CYP17A1: variants seen among roughly 807,000 people sequenced by gnomAD.
CYP17A1 encodes the protein steroid 17-alpha-hydroxylase/17,20 lyase.
In CYP17A1, 27 loss-of-function variants were observed where a neutral mutation model predicts 38.5. The ratio of observed to expected loss-of-function variants is 0.70; its 90% confidence interval spans 0.52 to 0.97. CYP17A1 has a LOEUF of 0.97. CYP17A1 is among the 50% of genes least tolerant of loss of function. The pLI is 0.00. For synonymous variants in CYP17A1, 263 were observed against 253.3 expected (o/e 1.04, Z -0.36); for missense variants, 549 against 645.9 (o/e 0.85, Z 1.63).
chr10:102,833,490 T>C, intron 4 of CYP17A1: 1 of 427,880 alleles, frequency 2.3e-6, no homozygotes, highest in Non-Finnish European at 4.3e-6. Flanking sequence ...AGAATCTTGG[T>C]GCAATGCCCA....
chr10:102,830,890 G>C lies in CYP17A1; in HGVS notation c.1339C>G (p.Leu447Val). The C allele has an allele frequency of 1.3e-6, 2 of 1,582,410 alleles. No homozygotes were observed. Among genetic ancestry groups the C allele is most frequent in the Non-Finnish European group, 1.7e-6 (2 of 1,160,848 alleles). The stretch of plus-strand genomic sequence containing the variant: ...ATGAGGAAGAGCTCCTGGCGGGCCA[G>C]GATCTCACCTATACAGGAGCGAGGT... ...AGPRSCIGEILARQELFLIMA... is the reference protein window; with the variant it reads ...AGPRSCIGEIVARQELFLIMA... The change falls in exon 8 of 8, where the codon CTG (leucine) becomes GTG (valine). Residue 447 changes from leucine to valine, a missense_variant. Coordinates refer to ENST00000369887, the MANE Select transcript of CYP17A1 (RefSeq NM_000102.4). This position sits in a 1 kb window ranked among gnomAD's most constrained non-coding sequence, Gnocchi z 4.1.
Position 102,834,110 on chromosome 10 carries a change from T to C in CYP17A1, c.679A>G (p.Lys227Glu). The C allele has an allele frequency of 7.8e-7, 1 of 1,275,126 alleles. No individual in the cohort carries two copies. The highest frequency in any genetic ancestry group is 1.1e-6 in the Non-Finnish European group (1 of 870,178). 79.0% of individuals were successfully genotyped at this position (1,275,126 alleles called of 1,614,324 possible). A position where few individuals can be genotyped will look rare whatever the true frequency, so the allele number is the denominator to read the frequency against. ...TGGCTCTTTAATTTTTCCAGGGTTT[T>C]GTTGGGGAAAATCTGGGAAATAAAA... ...LVPWLKIFPN[K>E]TLEKLKSHVK... The change falls in exon 4 of 8, where the codon AAA (lysine) becomes GAA (glutamate). Residue 227 changes from lysine to glutamate, a missense_variant. Physicochemically the swap from Lys to Glu is moderately conservative, Grantham distance 56. Around this residue, in one of 3 missense-constraint regions of CYP17A1, gnomAD observed 289 missense variants for 320.9 expected, o/e 0.90. Transcript: ENST00000369887.
Position 102,830,768 on chromosome 10 carries a change from G to A in CYP17A1, c.1461C>T (p.Asp487=), listed in dbSNP as rs1161449493. Residue 487 remains aspartate (D), a synonymous_variant, in exon 8 of 8, where the codon GAC becomes GAT. Transcript: ENST00000369887. This position sits in a 1 kb window ranked among gnomAD's most constrained non-coding sequence, Gnocchi z 4.1. ...GCACCTTGATCTTCACTTTGAAAGA[G>A]TCGATCAGAAAGACCACCTTGGGGA... ...EGIPKVVFLI[D]SFKVKIKVRQ... is the part of the protein sequence containing the mutation. 1 of 1,602,790 alleles carries A rather than the reference G, an allele frequency of 6.2e-7. No homozygotes were observed. The highest frequency in any genetic ancestry group is 8.5e-7 in the Non-Finnish European group (1 of 1,171,396).
chr10:102,835,461 T>C (rs1844151432), intron 1 of CYP17A1, 69 bp from the exon 2 acceptor site: 1 of 1,324,912 alleles, frequency 7.5e-7, no homozygotes, highest in Non-Finnish European at 1.1e-6. Flanking sequence ...ACACCTCTGG[T>C]CCCTGCTTTC....
intron 7 of CYP17A1, among the ~76,000 whole-genome samples, 174 bp from the exon 8 acceptor site, chr10:102,831,159 C>T (rs1260711597): frequency 1.3e-5 from 2 of 149,206 alleles, no homozygotes; most frequent in African/African-American, 4.9e-5. Flanking sequence ...TTTCAGGTAG[C>T]CCTTAACGAC....
In CYP17A1 at chr10:102,830,963, C is replaced by T; in HGVS notation, c.1266G>A (p.Gly422=). The part of the protein sequence containing the change: ...FMPERFLNPA[G]TQLISPSVSY... ...TTACTGACGGTGAGATGAGCTGGGT[C>T]CCCGCTGGATTCAAGAAACGCTCTG... The change falls in exon 8 of 8, where the codon GGG becomes GGA. Residue 422 remains glycine, a synonymous_variant. Transcript: ENST00000369887. The surrounding 1 kb of genome is among the most constrained non-coding windows in gnomAD (Gnocchi z 4.1). 6.3e-7 allele frequency: 1 copy of T among 1,577,628 alleles called. No homozygotes were observed. Among genetic ancestry groups the T allele is most frequent in the Non-Finnish European group, 8.6e-7 (1 of 1,159,658 alleles).
At chr10:102,833,796 T>C (rs564641692) in intron 4 of CYP17A1, 9 of 456,236 alleles carry the variant, frequency 2.0e-5, no homozygotes, top group Non-Finnish European at 3.6e-5. Flanking sequence ...TTCACCATAT[T>C]GGCCAGGCTC....
In CYP17A1 at chr10:102,833,092, G is replaced by A; in HGVS notation, c.870C>T (p.Asn290=). Residue 290 remains asparagine, a synonymous_variant, in exon 5 of 8, where the codon AAC becomes AAT. Coordinates refer to ENST00000369887, the MANE Select transcript of CYP17A1 (RefSeq NM_000102.4). ...PDQDSELLSD[N]HILTTIGDIF... ...TGTCCCCTATGGTGGTGAGAATGTGGTTATCTGAAAGCAGCTCTGAGTCTT... is the reference window on the plus strand; with the variant it reads ...TGTCCCCTATGGTGGTGAGAATGTGATTATCTGAAAGCAGCTCTGAGTCTT... 1.9e-6 allele frequency: 3 copies of A among 1,614,184 alleles called. No homozygotes were observed. Among genetic ancestry groups the A allele is most frequent in the Non-Finnish European group, 2.5e-6 (3 of 1,180,036 alleles).
Position 102,831,636 on chromosome 10 carries a change from G to T in CYP17A1, c.1140-25C>A, listed in dbSNP as rs17115100. ...GCTGCTCCAGAGTGGAAGAGGAAAA[G>T]TGGGTCTGGGACTTCGTACTCCCTT... On this transcript the variant is annotated intron_variant, in intron 6 of 7. Transcript: ENST00000369887. 0.11 allele frequency: 173,331 copies of T among 1,611,846 alleles called. 12,326 individuals are homozygous for T. The highest frequency in any genetic ancestry group is 0.33 in the East Asian group (15,012 of 44,830).
In CYP17A1 at chr10:102,835,289, A is replaced by C; in HGVS notation, c.401T>G (p.Leu134Arg). The change falls in exon 2 of 8, where the codon CTG (leucine) becomes CGG (arginine). Residue 134 changes from leucine (L) to arginine (R), a missense_variant. This residue lies in a region of CYP17A1 where 289 missense variants were observed against 320.9 expected (regional missense o/e 0.90). Coordinates refer to ENST00000369887, the MANE Select transcript of CYP17A1 (RefSeq NM_000102.4). The stretch of plus-strand genomic sequence containing the variant: ...CAGCTTCTGATCGCCATCCTTGAAC[A>C]GGGCAAAGGTGGCCATCGCCAGCCT... ...HRRLAMATFA[L>R]FKDGDQKLEK... 1 of 1,613,032 alleles carries C rather than the reference A, an allele frequency of 6.2e-7. No individual in the cohort carries two copies. The highest frequency in any genetic ancestry group is 1.1e-5 in the South Asian group (1 of 91,058).
rs776894065 is a variant in CYP17A1 at position 102,830,791 on chromosome 10, G to T, written c.1438C>A (p.Pro480Thr). The T allele has an allele frequency of 6.3e-7, 1 of 1,593,762 alleles. No homozygotes were observed. The highest frequency in any genetic ancestry group is 8.6e-7 in the Non-Finnish European group (1 of 1,164,182). Residue 480 changes from proline (P) to threonine (T), a missense_variant, in exon 8 of 8, where the codon CCC becomes ACC. Pro to Thr is a conservative substitution (Grantham distance 38). This residue lies in a region of CYP17A1 where 257 missense variants were observed against 307.9 expected (regional missense o/e 0.83). Transcript: ENST00000369887. The surrounding 1 kb of genome is among the most constrained non-coding windows in gnomAD (Gnocchi z 4.1). ...GAGTCGATCAGAAAGACCACCTTGG[G>T]GATGCCTTCCAGGGAGGGCAGCTGC... ...DGQLPSLEGI[P>T]KVVFLIDSFK... is the part of the protein sequence containing the mutation.
rs931528592 is a variant in CYP17A1, at chr10:102,837,137, A to C, written c.225T>G (p.Ile75Met). Reference sequence around the variant, plus strand: ...CCTTGGCCAGCTGGTGGTGGCCGACAATCACTGTAGTCTTGGTGCCCATAC... The same window carrying C: ...CCTTGGCCAGCTGGTGGTGGCCGACCATCACTGTAGTCTTGGTGCCCATAC... ...SVRMGTKTTV[I>M]VGHHQLAKEV... is the part of the protein sequence containing the mutation. The change falls in exon 1 of 8, where the codon ATT (isoleucine) becomes ATG (methionine). Residue 75 changes from isoleucine to methionine, a missense_variant. Physicochemically the swap from Ile to Met is conservative, Grantham distance 10. This residue lies in a region of CYP17A1 where 289 missense variants were observed against 320.9 expected (regional missense o/e 0.90). Coordinates refer to ENST00000369887, the MANE Select transcript of CYP17A1 (RefSeq NM_000102.4). 8.1e-6 allele frequency: 13 copies of C among 1,601,744 alleles called. No individual in the cohort carries two copies. The highest frequency in any genetic ancestry group is 1.7e-4 in the Middle Eastern group (1 of 6,042).
In CYP17A1 at chr10:102,837,075, C is replaced by T. The variant is rs104894153; in HGVS notation, c.287G>A (p.Arg96Gln). ...LIKKGKDFSG[R>Q]PQMATLDIAS... ...ATGGGCACCACTTACCATTTGAGGCCGCCCAGAGAAGTCCTTGCCCTTCTT... is the reference window on the plus strand; with the variant it reads ...ATGGGCACCACTTACCATTTGAGGCTGCCCAGAGAAGTCCTTGCCCTTCTT... The change falls in exon 1 of 8, where the codon CGG becomes CAG. Residue 96 changes from arginine (R) to glutamine (Q), a missense_variant. Arg to Gln is a conservative substitution (Grantham distance 43). Around this residue, in one of 3 missense-constraint regions of CYP17A1, gnomAD observed 289 missense variants for 320.9 expected, o/e 0.90. Transcript: ENST00000369887. 15 of 1,597,242 alleles carry T rather than the reference C, an allele frequency of 9.4e-6. No homozygotes were observed. Among genetic ancestry groups the T allele is most frequent in the African/African-American group, 4.0e-5 (3 of 74,562 alleles).
Position 102,830,787 on chromosome 10 carries a change from T to A in CYP17A1, c.1442A>T (p.Lys481Met). 4 of 1,595,710 alleles carry A rather than the reference T, an allele frequency of 2.5e-6. No individual in the cohort carries two copies. Among genetic ancestry groups the A allele is most frequent in the Non-Finnish European group, 3.4e-6 (4 of 1,165,640 alleles). The change falls in exon 8 of 8, where the codon AAG (lysine) becomes ATG (methionine). Residue 481 changes from lysine (K) to methionine (M), a missense_variant. By Grantham distance (95) the Lys-to-Met change is moderately conservative. Around this residue, in one of 3 missense-constraint regions of CYP17A1, gnomAD observed 257 missense variants for 307.9 expected, o/e 0.83. Coordinates refer to ENST00000369887, the MANE Select transcript of CYP17A1 (RefSeq NM_000102.4). This position sits in a 1 kb window ranked among gnomAD's most constrained non-coding sequence, Gnocchi z 4.1. ...GQLPSLEGIP[K>M]VVFLIDSFKV... is the part of the protein sequence containing the mutation. ...GAAAGAGTCGATCAGAAAGACCACC[T>A]TGGGGATGCCTTCCAGGGAGGGCAG...
At chr10:102,831,485 G>A (rs1357150619) in intron 7 of CYP17A1, 23 bp downstream of exon 7, 2 of 1,613,396 alleles carry the variant, frequency 1.2e-6, no homozygotes, top group South Asian at 1.1e-5. Flanking sequence ...TGTGGCCCAG[G>A]GCGCAGGACA....
At position 102,835,406 on chromosome 10, in the gene CYP17A1, GC is replaced by G. The variant is rs775111286; in HGVS notation, c.298-15del. 58 of 1,608,338 alleles carry G rather than the reference GC, an allele frequency of 3.6e-5. No individual in the cohort carries two copies. Among genetic ancestry groups the G allele is most frequent in the Non-Finnish European group, 4.9e-5 (57 of 1,174,760 alleles). On this transcript the variant is annotated splice_polypyrimidine_tract_variant and intron_variant, in intron 1 of 7. Coordinates refer to ENST00000369887, the MANE Select transcript of CYP17A1 (RefSeq NM_000102.4). ...GTCTAGAGTTGCCTTTAGAGAGCAG[GC>G]AAGGCTGTAGGAATCTCACACCATC...
chr10:102,834,746 G>T (rs1203404307), intron 3 of CYP17A1, 39 bp downstream of exon 3: 1 of 1,613,788 alleles, frequency 6.2e-7, no homozygotes, highest in Non-Finnish European at 8.5e-7. Context: ...CAATGTCAGG[G>T]TCTACTAGAA....
At position 102,837,381 on chromosome 10, in the gene CYP17A1, G is replaced by A; in HGVS notation, c.-20C>T. 6.4e-7 allele frequency: 1 copy of A among 1,558,738 alleles called. No individual in the cohort carries two copies. Among genetic ancestry groups the A allele is most frequent in the Non-Finnish European group, 8.9e-7 (1 of 1,129,804 alleles). On this transcript the variant is annotated 5_prime_UTR_variant, in exon 1 of 8. Transcript: ENST00000369887. ...CCACATGGTGGCTGGGTGCCGGCAGGCAAGATAGACAGCAGTGGAGTAGAA... is the reference window on the plus strand; with the variant it reads ...CCACATGGTGGCTGGGTGCCGGCAGACAAGATAGACAGCAGTGGAGTAGAA...
intron 1 of CYP17A1, 49 bp downstream of exon 1, chr10:102,837,016 A>G: frequency 9.1e-7 from 1 of 1,097,792 alleles, no homozygotes; most frequent in Non-Finnish European, 1.4e-6. Context: ...AGACCTGAAC[A>G]ATCCCAGGGG....
Sources: allele counts gnomAD v4.1 joint callset (sites outside exome capture counted in the v4.1 genomes callset), GRCh38; gene constraint gnomAD v4.1.1; regional missense constraint gnomAD v4.1.1; non-coding constraint Gnocchi (gnomAD v3.1); transcripts MANE v1.5; gene names NCBI Gene and HGNC (gene_info 2026-07-23, HGNC 2026-07-21).